KCNT2: variants seen among roughly 807,000 people sequenced by gnomAD.
KCNT2 encodes the protein potassium sodium-activated channel subfamily T member 2.
In KCNT2, 67 loss-of-function variants were observed where a neutral mutation model predicts 153.8. That is an observed-to-expected ratio of 0.44 (90% CI 0.36 to 0.53). The LOEUF is 0.53. Among genes scored for constraint, KCNT2 ranks in the 20% least tolerant of loss-of-function variants. The probability of loss-of-function intolerance (pLI) is 0.00; values close to 1 mark genes in which losing one functional copy is unlikely to be tolerated. For synonymous variants in KCNT2, 500 were observed against 458.8 expected (o/e 1.09, Z -1.15); for missense variants, 975 against 1,354.8 (o/e 0.72, Z 4.40).
chr1:196,469,572 T>C (rs1572560791), intron 5 of KCNT2, among the ~76,000 whole-genome samples: 1 of 152,264 alleles, frequency 6.6e-6, no homozygotes, highest in Non-Finnish European at 1.5e-5. Context: ...ACCCTCATAA[T>C]ACAAACATAT....
In KCNT2 at chr1:196,416,237, G is replaced by A. The variant is rs564188467; in HGVS notation, c.1185+6813C>T. On this transcript the variant is annotated intron_variant, in intron 12 of 27. Coordinates refer to ENST00000294725, the MANE Select transcript of KCNT2 (RefSeq NM_198503.5). Reference sequence around the variant, plus strand: ...TTTTACTTAGTGGCCCAAAGTGCAAGAGTAGCAATGCTGCCAATTTGGATA... The same window carrying A: ...TTTTACTTAGTGGCCCAAAGTGCAAAAGTAGCAATGCTGCCAATTTGGATA... 3.9e-5 allele frequency among the ~76,000 whole-genome samples: 6 copies of A among 152,154 alleles called. No homozygotes were observed. The East Asian group carries it at 1.2e-3, about 30-fold the overall frequency.
chr1:196,373,968 G>A (rs1668737563), intron 13 of KCNT2, among the ~76,000 whole-genome samples: 3 of 151,776 alleles, frequency 2.0e-5, no homozygotes, highest in African/African-American at 7.2e-5. Context: ...GGAAAGTGCA[G>A]GCCACATCTA....
In KCNT2 at chr1:196,353,630, T is replaced by C. The variant is rs534242324; in HGVS notation, c.1404-11402A>G. On this transcript the variant is annotated intron_variant, in intron 14 of 27. Coordinates refer to ENST00000294725, the MANE Select transcript of KCNT2 (RefSeq NM_198503.5). ...ACAATTTTTTAAAACACGAGTTGCA[T>C]ATTTCTCACTTAACAATGATTGCAT... 2.0e-5 allele frequency among the ~76,000 whole-genome samples: 3 copies of C among 152,112 alleles called. No individual in the cohort carries two copies. The South Asian group carries it at 6.2e-4, about 32-fold the overall frequency.
intron 25 of KCNT2, 59 bp downstream of exon 25, chr1:196,280,801 T>A (rs547842390): frequency 1.4e-6 from 2 of 1,428,194 alleles, no homozygotes; most frequent in South Asian, 2.3e-5. Flanking sequence ...TATAAGCTTA[T>A]GAATGATTGC....
At chr1:196,437,956 A>G (rs1182341583) in intron 8 of KCNT2, among the ~76,000 whole-genome samples, 1 of 151,506 alleles carries the variant, frequency 6.6e-6, no homozygotes, top group African/African-American at 2.4e-5. Context: ...TCACTTTACT[A>G]TTACTAATAA....
chr1:196,333,965 GTCT>G lies in KCNT2; in HGVS notation c.1876_1878del (p.Arg626del). 6.2e-7 allele frequency: 1 copy of G among 1,612,662 alleles called. No individual in the cohort carries two copies. On this transcript the variant is annotated inframe_deletion, in exon 17 of 28. Transcript: ENST00000294725. ...ACCTCTAAAACAGGAGCAATGCTAG[GTCT>G]TCTTATTTCTTTGCTTCCCTCTGTA...
chr1:196,330,448 T>C (rs1664346189), intron 18 of KCNT2, among the ~76,000 whole-genome samples: 1 of 151,924 alleles, frequency 6.6e-6, no homozygotes, highest in Non-Finnish European at 1.5e-5. Flanking sequence ...TAACTGTAAC[T>C]TCAAAACTTA....
chr1:196,480,945 T>G (rs994298994), intron 4 of KCNT2, among the ~76,000 whole-genome samples: 1 of 143,000 alleles, frequency 7.0e-6, no homozygotes, highest in African/African-American at 2.6e-5. Flanking sequence ...TAGATCAAAA[T>G]ATATTTGAAG....
intron 1 of KCNT2, among the ~76,000 whole-genome samples, chr1:196,498,944 G>C (rs935709829): frequency 1.3e-5 from 2 of 152,222 alleles, no homozygotes; most frequent in Admixed American, 1.3e-4. Context: ...AAACTTATTT[G>C]GGAATGAGGT....
At chr1:196,583,465 G>A (rs1047715220) in intron 1 of KCNT2, among the ~76,000 whole-genome samples, 1 of 152,124 alleles carries the variant, frequency 6.6e-6, no homozygotes, top group East Asian at 1.9e-4. Flanking sequence ...AGAGAAGTAA[G>A]ACAAATATCA....
At chr1:196,233,517 C>T (rs1654141285) in intron 27 of KCNT2, among the ~76,000 whole-genome samples, 1 of 151,322 alleles carries the variant, frequency 6.6e-6, no homozygotes, top group Non-Finnish European at 1.5e-5. Context: ...AAAACATTCC[C>T]TATTTAGCCT....
intron 25 of KCNT2, among the ~76,000 whole-genome samples, chr1:196,264,374 T>C (rs968452502): frequency 9.2e-5 from 14 of 152,144 alleles, no homozygotes; most frequent in Non-Finnish European, 1.9e-4. Flanking sequence ...GCAGAAGGTA[T>C]ATACATTACT....
intron 1 of KCNT2, among the ~76,000 whole-genome samples, chr1:196,605,146 G>T (rs1332894797): frequency 6.6e-6 from 1 of 152,142 alleles, no homozygotes; most frequent in African/African-American, 2.4e-5. Flanking sequence ...TCCTACATTT[G>T]GAACACAATT....
chr1:196,336,032 A>T (rs1664994529), intron 16 of KCNT2, among the ~76,000 whole-genome samples: 1 of 152,060 alleles, frequency 6.6e-6, no homozygotes, highest in Non-Finnish European at 1.5e-5. Context: ...ACAAAATAGA[A>T]CCCTGCTTAA....
At chr1:196,593,293 A>AT (rs1296197709) in intron 1 of KCNT2, among the ~76,000 whole-genome samples, 2,256 of 92,566 alleles carry the variant, frequency 0.024, 34 homozygotes, top group South Asian at 0.036. Flanking sequence ...CATCATATAT[A>AT]TAATATATAT....
At chr1:196,511,662 C>T (rs1054101881) in intron 1 of KCNT2, among the ~76,000 whole-genome samples, 4 of 152,140 alleles carry the variant, frequency 2.6e-5, no homozygotes, top group African/African-American at 9.7e-5. Flanking sequence ...TTTCTTGAGG[C>T]ACCTCTCCTT....
chr1:196,303,787 T>C (rs16839763), intron 22 of KCNT2, among the ~76,000 whole-genome samples: 7,552 of 152,240 alleles, frequency 0.05, 286 homozygotes, highest in Non-Finnish European at 0.072. Context: ...TGGACCAATC[T>C]GACTACAGAT....
chr1:196,569,983 C>T (rs1182905996), intron 1 of KCNT2, among the ~76,000 whole-genome samples: 1 of 150,072 alleles, frequency 6.7e-6, no homozygotes, highest in African/African-American at 2.5e-5. Flanking sequence ...ACCAAAGTCA[C>T]TCAAGGGCTA....
chr1:196,446,121 G>A (rs1352625522), intron 8 of KCNT2, among the ~76,000 whole-genome samples: 1 of 151,138 alleles, frequency 6.6e-6, no homozygotes, highest in African/African-American at 2.4e-5. Flanking sequence ...TAAACTCAAG[G>A]AGATTAAGGT....
Sources: gnomAD v4.1 joint callset for allele counts (sites outside exome capture counted in the v4.1 genomes callset) on GRCh38, gnomAD v4.1.1 for gene constraint, MANE v1.5 for transcripts, NCBI Gene and HGNC (gene_info 2026-07-23, HGNC 2026-07-21) for gene names.